Variants in PRR5L observed in about 807,000 individuals in gnomAD.
PRR5L encodes proline-rich protein 5-like.
In PRR5L, 21 loss-of-function variants were observed where a neutral mutation model predicts 36.4. That is an observed-to-expected ratio of 0.58 (90% CI 0.41 to 0.83). The LOEUF is 0.83. Ranked by LOEUF, PRR5L falls within the 40% of genes least tolerant of loss-of-function variation. The pLI is 0.00. For missense variants in PRR5L, 381 were observed against 473.3 expected, an observed-to-expected ratio of 0.80 and a Z score of 1.81; for synonymous variants, 188 against 197.0, an observed-to-expected ratio of 0.95 and a Z score of 0.38.
At chr11:36,455,893 T>G (rs969664286) in intron 8 of PRR5L, among the ~76,000 whole-genome samples, 3 of 152,176 alleles carry the variant, frequency 2.0e-5, no homozygotes, top group Non-Finnish European at 4.4e-5. Flanking sequence ...CCCGGGGGAC[T>G]CAACACAGCC....
chr11:36,395,501 G>A (rs151159536), intron 1 of PRR5L, among the ~76,000 whole-genome samples: 18 of 152,238 alleles, frequency 1.2e-4, no homozygotes, highest in Middle Eastern at 3.4e-3. Context: ...GCACAAATAC[G>A]GAACATTTCT....
intron 1 of PRR5L, among the ~76,000 whole-genome samples, chr11:36,349,293 A>G (rs977605183): frequency 1.3e-5 from 2 of 151,592 alleles, no homozygotes; most frequent in Non-Finnish European, 2.9e-5. Context: ...AAAAAAAAAA[A>G]AAAGAAAAAT....
rs1856977430 is a variant in PRR5L, at chr11:36,351,779, ATATATTT to A, written c.-125-49216_-125-49210del. Among the ~76,000 whole-genome samples, 12 of 25,352 alleles carry A rather than the reference ATATATTT, an allele frequency of 4.7e-4. No individual in the cohort carries two copies. The South Asian group carries it at 8.8e-3, about 18-fold the overall frequency. 16.6% of individuals were successfully genotyped at this position (25,352 alleles called of 152,430 possible). A position where few individuals can be genotyped will look rare whatever the true frequency, so the allele number is the denominator to read the frequency against. On this transcript the variant is annotated intron_variant, in intron 1 of 8. Coordinates refer to ENST00000530639, the MANE Select transcript of PRR5L (RefSeq NM_001160167.2). ...TATATTTATATATTTATATATATTT[ATATATTT>A]TTTTTATATATACCACAATTTCTTT... is the stretch of plus-strand genomic sequence containing the variant.
At chr11:36,351,274 A>ATATATTTTTT (rs1554987081) in intron 1 of PRR5L, among the ~76,000 whole-genome samples, 1 of 79,268 alleles carries the variant, frequency 1.3e-5, no homozygotes, top group Non-Finnish European at 2.1e-5. Context: ...TTATATATTT[A>ATATATTTTTT]TATATATGTA....
chr11:36,401,441 A>T (rs330262), intron 2 of PRR5L, among the ~76,000 whole-genome samples, 156 bp downstream of exon 2: 125,466 of 152,010 alleles, frequency 0.83, 53,226 homozygotes, highest in East Asian at 0.96. Flanking sequence ...TTCCTTTTTT[A>T]AGAGACAGGG....
At chr11:36,299,908 C>A (rs7479918) in intron 1 of PRR5L, among the ~76,000 whole-genome samples, 1 of 152,166 alleles carries the variant, frequency 6.6e-6, no homozygotes, top group Non-Finnish European at 1.5e-5. Flanking sequence ...ACAAACACTT[C>A]ATCGCTGCTT....
At chr11:36,443,291 A>C (rs1328920101) in intron 6 of PRR5L, among the ~76,000 whole-genome samples, 1 of 152,142 alleles carries the variant, frequency 6.6e-6, no homozygotes, top group African/African-American at 2.4e-5. Flanking sequence ...CATGTGAATT[A>C]ATTGAGAACT....
intron 8 of PRR5L, among the ~76,000 whole-genome samples, chr11:36,457,260 G>C (rs1008739979): frequency 2.0e-5 from 3 of 152,116 alleles, no homozygotes; most frequent in Non-Finnish European, 4.4e-5. Flanking sequence ...CATTAATACT[G>C]TATCTTTCCA....
intron 1 of PRR5L, among the ~76,000 whole-genome samples, chr11:36,378,942 G>A (rs903693115): frequency 6.6e-6 from 1 of 152,122 alleles, no homozygotes; most frequent in Non-Finnish European, 1.5e-5. Flanking sequence ...CTCATAGTCT[G>A]GACATGTCTT....
intron 3 of PRR5L, among the ~76,000 whole-genome samples, chr11:36,412,501 G>C (rs1028411700): frequency 2.0e-5 from 3 of 152,122 alleles, no homozygotes; most frequent in Non-Finnish European, 4.4e-5. Context: ...CGGAAGGAAG[G>C]CTGCCAGATT....
chr11:36,452,465 G>A (rs1465405642), intron 8 of PRR5L, among the ~76,000 whole-genome samples: 2 of 152,210 alleles, frequency 1.3e-5, no homozygotes, highest in African/African-American at 2.4e-5. Context: ...CTTAACCACA[G>A]CCACCACAGA....
At chr11:36,378,278 G>A (rs1036520146) in intron 1 of PRR5L, among the ~76,000 whole-genome samples, 1 of 152,192 alleles carries the variant, frequency 6.6e-6, no homozygotes, top group Non-Finnish European at 1.5e-5. Context: ...TATGACTGAC[G>A]AAGGTGCAGG....
chr11:36,335,119 C>G (rs12277396), intron 1 of PRR5L, among the ~76,000 whole-genome samples: 2,591 of 151,960 alleles, frequency 0.017, 79 homozygotes, highest in African/African-American at 0.059. Flanking sequence ...CAGAGTCTTA[C>G]TCTGTGGCCC....
intron 1 of PRR5L, chr11:36,329,152 A>G (rs1191842953): frequency 6.6e-6 from 1 of 152,144 alleles, no homozygotes; most frequent in African/African-American, 2.4e-5. Flanking sequence ...ATTTCTAGAA[A>G]TTGGGCCCAA....
At chr11:36,451,637 A>G (rs185518710) in intron 8 of PRR5L, among the ~76,000 whole-genome samples, 2 of 152,348 alleles carry the variant, frequency 1.3e-5, no homozygotes, top group East Asian at 3.9e-4. Context: ...TGGTGCGCCT[A>G]GGACATTAAT....
At position 36,376,113 on chromosome 11, in the gene PRR5L, T is replaced by C. The variant is rs375381071; in HGVS notation, c.-125-24884T>C. ...CTGCATCCTCCTCGGCAATTTTTTT[T>C]TTTTAAGTCAAAAAGCTTGGATTTC... On this transcript the variant is annotated intron_variant, in intron 1 of 8. Coordinates refer to ENST00000530639, the MANE Select transcript of PRR5L (RefSeq NM_001160167.2). 206 of 1,303,404 alleles carry C rather than the reference T, an allele frequency of 1.6e-4. No individual in the cohort carries two copies. In the East Asian group the frequency reaches 8.7e-3, roughly 55 times the overall value. The allele number at this position is 1,303,404 out of a possible 1,614,324, so 80.7% of individuals were successfully genotyped here.
At chr11:36,304,500 C>A (rs1590423691) in intron 1 of PRR5L, among the ~76,000 whole-genome samples, 1 of 152,154 alleles carries the variant, frequency 6.6e-6, no homozygotes, top group Admixed American at 6.5e-5. Context: ...CTGTGGCTGG[C>A]TTTTTTCACT....
intron 1 of PRR5L, among the ~76,000 whole-genome samples, chr11:36,304,816 A>G (rs1445464969): frequency 6.6e-6 from 1 of 151,818 alleles, no homozygotes; most frequent in Admixed American, 6.6e-5. Context: ...AGCAAATGAA[A>G]ACCATGATGA....
At chr11:36,360,298 A>G (rs1251549796) in intron 1 of PRR5L, among the ~76,000 whole-genome samples, 1 of 152,150 alleles carries the variant, frequency 6.6e-6, no homozygotes, top group African/African-American at 2.4e-5. Context: ...TGGGATATCT[A>G]TGTGCTAACC....
Sources: allele counts gnomAD v4.1 joint callset (sites outside exome capture counted in the v4.1 genomes callset), GRCh38; gene constraint gnomAD v4.1.1; transcripts MANE v1.5; gene names NCBI Gene and HGNC (gene_info 2026-07-23, HGNC 2026-07-21).